STK39: variants seen among roughly 807,000 people sequenced by gnomAD.
The protein encoded by STK39 is serine/threonine kinase 39.
In STK39, 20 loss-of-function variants were observed where a neutral mutation model predicts 77.8. The observed-to-expected ratio is 0.26, with a 90% confidence interval of 0.18 to 0.37. STK39 has a LOEUF of 0.37. Ranked by LOEUF, STK39 falls within the 10% of genes least tolerant of loss-of-function variation. STK39 has a pLI of 1.00. For synonymous variants in STK39, 246 were observed against 234.1 expected, an observed-to-expected ratio of 1.05 and a Z score of -0.47; for missense variants, 479 against 656.5, an observed-to-expected ratio of 0.73 and a Z score of 2.95.
At chr2:168,040,252 TAAAG>T (rs1685069307) in intron 14 of STK39, among the ~76,000 whole-genome samples, 1 of 151,454 alleles carries the variant, frequency 6.6e-6, no homozygotes, top group African/African-American at 2.4e-5. Flanking sequence ...ATAGAAAAAA[TAAAG>T]GAAGAAAAAA....
intron 16 of STK39, among the ~76,000 whole-genome samples, chr2:167,976,462 T>C (rs1322406585): frequency 6.6e-6 from 1 of 152,148 alleles, no homozygotes; most frequent in African/African-American, 2.4e-5. Context: ...CAACCACCTT[T>C]GTAAAACTAA....
intron 14 of STK39, among the ~76,000 whole-genome samples, chr2:168,060,502 T>A (rs1685637361): frequency 6.6e-6 from 1 of 151,962 alleles, no homozygotes; most frequent in Non-Finnish European, 1.5e-5. Context: ...GACATCCCGA[T>A]CTCCACAACT....
intron 5 of STK39, among the ~76,000 whole-genome samples, chr2:168,161,439 G>A (rs1688570773): frequency 6.6e-6 from 1 of 152,158 alleles, no homozygotes; most frequent in African/African-American, 2.4e-5. Flanking sequence ...TGTGTATGAT[G>A]TTTTAAATTT....
intron 2 of STK39, among the ~76,000 whole-genome samples, chr2:168,174,329 GAATATCCCAAGGC>G (rs1688902688): frequency 2.6e-5 from 4 of 152,268 alleles, no homozygotes; most frequent in Admixed American, 2.6e-4. Flanking sequence ...GGAACAGAAT[GAATATCCCAAGGC>G]CTACTTGCTT....
chr2:168,076,631 A>G (rs778137428), intron 10 of STK39, among the ~76,000 whole-genome samples: 9 of 152,236 alleles, frequency 5.9e-5, no homozygotes, highest in Non-Finnish European at 1.0e-4. Context: ...ATAGAAAGTC[A>G]GCAAGAAAGT....
chr2:168,048,955 A>AAATGCCT (rs1207367416), intron 14 of STK39, among the ~76,000 whole-genome samples: 1 of 152,230 alleles, frequency 6.6e-6, no homozygotes, highest in Admixed American at 6.5e-5. Flanking sequence ...ATCATCTGGC[A>AAATGCCT]AATGCCTAAT....
intron 10 of STK39, among the ~76,000 whole-genome samples, chr2:168,119,177 C>G (rs995315944): frequency 6.6e-6 from 1 of 152,132 alleles, no homozygotes; most frequent in Non-Finnish European, 1.5e-5. Flanking sequence ...GGAGAGAGGA[C>G]ATGTGCACTC....
chr2:168,094,854 C>G (rs1269861820), intron 10 of STK39, among the ~76,000 whole-genome samples: 1 of 152,160 alleles, frequency 6.6e-6, no homozygotes, highest in Non-Finnish European at 1.5e-5. Context: ...CTAATGAACT[C>G]CTGATCTTCC....
intron 3 of STK39, 30 bp downstream of exon 3, chr2:168,167,269 A>AAATAAATAACAACAACAT: frequency 1.3e-6 from 2 of 1,580,700 alleles, no homozygotes; most frequent in Non-Finnish European, 1.7e-6. Flanking sequence ...GAAAACAAGC[A>AAATAAATAACAACAACAT]AATAAATAAC....
intron 5 of STK39, among the ~76,000 whole-genome samples, chr2:168,142,314 A>G (rs1348983860): frequency 6.6e-6 from 1 of 152,176 alleles, no homozygotes; most frequent in East Asian, 1.9e-4. Flanking sequence ...TTTGAAAGCT[A>G]CTAATTTCAA....
chr2:167,964,924 T>C (rs1310039615), intron 16 of STK39, among the ~76,000 whole-genome samples, 198 bp from the exon 17 acceptor site: 5 of 152,352 alleles, frequency 3.3e-5, no homozygotes, highest in South Asian at 2.1e-4. Context: ...ATTTCAGCAA[T>C]CTTGTATCTA....
intron 16 of STK39, among the ~76,000 whole-genome samples, chr2:168,007,977 A>G (rs550776731): frequency 5.3e-5 from 8 of 152,312 alleles, no homozygotes; most frequent in African/African-American, 1.9e-4. Context: ...TGCAGCCATT[A>G]CTACTTCTAA....
chr2:168,056,953 A>G (rs1166722643), intron 14 of STK39, among the ~76,000 whole-genome samples: 1 of 152,188 alleles, frequency 6.6e-6, no homozygotes, highest in East Asian at 1.9e-4. Context: ...GTGGCAGGGA[A>G]CAATACTGGA....
chr2:167,987,587 TA>T (rs1488688838), intron 16 of STK39, among the ~76,000 whole-genome samples: 1 of 152,198 alleles, frequency 6.6e-6, no homozygotes, highest in Non-Finnish European at 1.5e-5. Context: ...CTTGAAATTC[TA>T]ATCAGATCCT....
At chr2:168,023,069 C>T (rs1684608311) in intron 14 of STK39, among the ~76,000 whole-genome samples, 1 of 152,114 alleles carries the variant, frequency 6.6e-6, no homozygotes, top group African/African-American at 2.4e-5. Context: ...CATGTGCCCC[C>T]ATACCTGGCT....
chr2:168,164,032 C>A, intron 3 of STK39, 152 bp from the exon 4 acceptor site: 1 of 1,104,404 alleles, frequency 9.1e-7, no homozygotes. Flanking sequence ...TGAATGGGGG[C>A]CCCATGACCA....
intron 1 of STK39, among the ~76,000 whole-genome samples, chr2:168,243,453 T>A (rs889306901): frequency 2.6e-5 from 4 of 152,322 alleles, no homozygotes; most frequent in East Asian, 3.9e-4. Flanking sequence ...ATTCTTCGTG[T>A]TGACTAAGAT....
chr2:168,215,951 G>C (rs1690014783), intron 1 of STK39, among the ~76,000 whole-genome samples: 1 of 152,122 alleles, frequency 6.6e-6, no homozygotes. Flanking sequence ...AGGTGCCAAG[G>C]ATGCTCTAGC....
intron 16 of STK39, among the ~76,000 whole-genome samples, chr2:168,003,542 G>T (rs1656389805): frequency 6.6e-6 from 1 of 152,132 alleles, no homozygotes; most frequent in Non-Finnish European, 1.5e-5. Flanking sequence ...CAAATAGGCT[G>T]CAGTGCCTTT....
Sources: allele counts gnomAD v4.1 joint callset (sites outside exome capture counted in the v4.1 genomes callset), GRCh38; gene constraint gnomAD v4.1.1; transcripts MANE v1.5; gene names NCBI Gene and HGNC (gene_info 2026-07-23, HGNC 2026-07-21).